Variants in NRK observed in about 807,000 individuals in gnomAD.
The protein encoded by NRK is nik-related protein kinase.
Under a neutral mutation model 125.2 loss-of-function variants are expected in NRK, and 67 were observed. The ratio of observed to expected loss-of-function variants is 0.54; its 90% CI spans 0.44 to 0.66. NRK has a LOEUF of 0.66. Ranked by LOEUF, NRK falls within the 30% of genes least tolerant of loss-of-function variation. NRK has a pLI of 0.00. For missense variants in NRK, 1,224 were observed against 1,192.9 expected, an observed-to-expected ratio of 1.03 and a Z score of -0.38; for synonymous variants, 458 against 429.0, an observed-to-expected ratio of 1.07 and a Z score of -0.84.
At chrX:105,918,502 A>G (rs1296336666) in intron 16 of NRK, among the ~76,000 whole-genome samples, 1 of 111,869 alleles carries the variant, frequency 8.9e-6, no homozygotes, top group Non-Finnish European at 1.9e-5. Flanking sequence ...AAAACACATT[A>G]TTCTTCTTAA....
chrX:105,953,011 A>AC, intron 27 of NRK, 23 bp from the exon 28 acceptor site: 1 of 1,082,984 alleles, frequency 9.2e-7, no homozygotes, highest in Non-Finnish European at 1.2e-6. Context: ...TGTTTTTCTG[A>AC]TTTTTTTTCA....
At chrX:105,912,860 C>T (rs2040320308) in intron 14 of NRK, 105 bp downstream of exon 14, 1 of 343,272 alleles carries the variant, frequency 2.9e-6, no homozygotes, top group Admixed American at 6.0e-5. Flanking sequence ...ACATTGAGGA[C>T]CTCAAAAAGC....
intron 26 of NRK, among the ~76,000 whole-genome samples, chrX:105,947,695 T>C (rs1467807935): frequency 9.0e-6 from 1 of 111,704 alleles, no homozygotes; most frequent in African/African-American, 3.2e-5. Flanking sequence ...AAATTCCCAA[T>C]TTTTAGACAA....
In NRK at chrX:105,866,028, AC is replaced by A. The variant is rs1193457238; in HGVS notation, c.124-14170del. Among the ~76,000 whole-genome samples the A allele has an allele frequency of 1.2e-4, 13 of 109,406 alleles. 1 individual carries two copies. The highest frequency in any genetic ancestry group is 7.9e-4 in the Admixed American group (8 of 10,114). On this transcript the variant is annotated intron_variant, in intron 2 of 28. Transcript: ENST00000243300. ...ACAAAACAAAGCAAAAAAAAAAAAA[AC>A]ATAAAAGTCAGTACACTTTTTTCAT...
Position 105,908,238 on chromosome X carries a change from A to G in NRK, c.1022-2A>G. On this transcript the variant is annotated splice_acceptor_variant, in intron 11 of 28. Coordinates refer to ENST00000243300, the MANE Select transcript of NRK (RefSeq NM_198465.4). LOFTEE classifies it high-confidence loss of function. ...TTATGTTTTTCTCTTTTGTAAAAAA[A>G]GGAATACCTTTGATCTTTGAAAGAG... The G allele has an allele frequency of 9.3e-7, 1 of 1,071,401 alleles. No individual in the cohort carries two copies. The allele number at this position is 1,071,401 out of a possible 1,213,427, so 88.3% of individuals were successfully genotyped here.
chrX:105,925,921 A>G (rs1189756499), intron 19 of NRK, among the ~76,000 whole-genome samples: 1 of 111,170 alleles, frequency 9.0e-6, no homozygotes, highest in Admixed American at 9.6e-5. Context: ...AGGTGCTGAT[A>G]GCTCTTTGAT....
chrX:105,896,579 C>T (rs1321332559), intron 7 of NRK, among the ~76,000 whole-genome samples: 1 of 111,539 alleles, frequency 9.0e-6, no homozygotes, highest in Non-Finnish European at 1.9e-5. Flanking sequence ...GTAGCTCATA[C>T]TTATAATCCC....
intron 4 of NRK, among the ~76,000 whole-genome samples, chrX:105,887,777 A>T (rs1033201649): frequency 7.1e-5 from 8 of 111,918 alleles, no homozygotes; most frequent in Admixed American, 9.5e-5. Context: ...TGGATTAGTG[A>T]TTGCTTAGAG....
intron 1 of NRK, among the ~76,000 whole-genome samples, chrX:105,825,875 A>C (rs1389363478): frequency 9.2e-6 from 1 of 108,967 alleles, no homozygotes; most frequent in East Asian, 2.8e-4. Context: ...AGGTGAAAAA[A>C]CAAAAAAGGA....
intron 2 of NRK, among the ~76,000 whole-genome samples, chrX:105,849,051 T>A (rs1051023980): frequency 9.0e-6 from 1 of 111,659 alleles, no homozygotes; most frequent in African/African-American, 3.3e-5. Context: ...TGCGGCCCTG[T>A]GTATTAGTCT....
chrX:105,942,680 G>T (rs531086666), intron 23 of NRK, among the ~76,000 whole-genome samples: 620 of 111,599 alleles, frequency 5.6e-3, no homozygotes, highest in Middle Eastern at 0.019. Context: ...GTGCAGTGGA[G>T]TGATCTCAGA....
At chrX:105,885,709 T>G (rs886919118) in intron 4 of NRK, among the ~76,000 whole-genome samples, 3 of 111,910 alleles carry the variant, frequency 2.7e-5, no homozygotes, top group Non-Finnish European at 5.6e-5. Flanking sequence ...ATGCTGGGAA[T>G]GAAGGAGGCT....
In NRK at chrX:105,924,724, A is replaced by C. The variant is rs1444695973; in HGVS notation, c.3005A>C (p.Lys1002Thr). ...RASYGRDGSC[K>T]QDGYDGSRGK... ...AGCTATGGCAGAGATGGAAGCTGCA[A>C]GCAAGATGGTTATGATGGAAGTCGT... Residue 1002 changes from lysine to threonine, a missense_variant, in exon 19 of 29, where the codon AAG (lysine) becomes ACG (threonine). Physicochemically the swap from Lys to Thr is moderately conservative, Grantham distance 78 (BLOSUM62 -1). Coordinates refer to ENST00000243300, the MANE Select transcript of NRK (RefSeq NM_198465.4). The C allele has an allele frequency of 8.3e-7, 1 of 1,200,706 alleles. No individual in the cohort carries two copies. The highest frequency in any genetic ancestry group is 2.3e-4 in the Middle Eastern group (1 of 4,327).
rs1309022417 is a variant in NRK, at chrX:105,955,497, T to G, written c.4654-8T>G. The G allele has an allele frequency of 1.8e-6, 2 of 1,134,884 alleles. No individual in the cohort carries two copies. The highest frequency in any genetic ancestry group is 2.4e-6 in the Non-Finnish European group (2 of 835,962). The allele number at this position is 1,134,884 out of a possible 1,213,427, so 93.5% of individuals were successfully genotyped here. On this transcript the variant is annotated splice_region_variant and splice_polypyrimidine_tract_variant and intron_variant, in intron 28 of 28. Transcript: ENST00000243300. ...ATCTGTTGACAGTGTATTTCTTTCT[T>G]TTTCAAGCTGTTCTTTACCTCTACC...
rs749944477 is a variant in NRK at position 105,937,450 on chromosome X, C to A, written c.3667C>A (p.Leu1223Met). Residue 1223 changes from leucine to methionine, a missense_variant, in exon 22 of 29, where the codon CTG becomes ATG. Leu to Met is a conservative substitution (Grantham distance 15). Transcript: ENST00000243300. ...TTATATATGAACAGGAGTCAATTTGCTGTTGGGAACCCGATCTAATCTATA... is the reference window on the plus strand; with the variant it reads ...TTATATATGAACAGGAGTCAATTTGATGTTGGGAACCCGATCTAATCTATA... ...CCGSLWGVNL[L>M]LGTRSNLYLM... The A allele has an allele frequency of 8.5e-7, 1 of 1,182,238 alleles. No individual in the cohort carries two copies. The highest frequency in any genetic ancestry group is 1.1e-6 in the Non-Finnish European group (1 of 875,755).
At chrX:105,940,923 T>C (rs1330093950) in intron 23 of NRK, among the ~76,000 whole-genome samples, 1 of 111,732 alleles carries the variant, frequency 8.9e-6, no homozygotes, top group Non-Finnish European at 1.9e-5. Context: ...TTTCTCAGGG[T>C]AGGTTTTTGT....
At chrX:105,937,416 T>C in intron 21 of NRK, 23 bp from the exon 22 acceptor site, 2 of 1,105,525 alleles carry the variant, frequency 1.8e-6, no homozygotes, top group East Asian at 3.1e-5. Flanking sequence ...TGAGCTAATA[T>C]AGCACTTTTT....
intron 2 of NRK, among the ~76,000 whole-genome samples, chrX:105,842,128 G>T (rs2039337888): frequency 9.0e-6 from 1 of 111,488 alleles, no homozygotes; most frequent in Non-Finnish European, 1.9e-5. Context: ...ATCTGCCCAA[G>T]TGCAAAAATT....
At chrX:105,950,525 G>A (rs1186299508) in intron 27 of NRK, among the ~76,000 whole-genome samples, 1 of 71,939 alleles carries the variant, frequency 1.4e-5, no homozygotes, top group African/African-American at 5.5e-5. Flanking sequence ...GAAAAAGGCA[G>A]CAGTGTGTGT....
Sources: allele counts gnomAD v4.1 joint callset (sites outside exome capture counted in the v4.1 genomes callset), GRCh38; gene constraint gnomAD v4.1.1; transcripts MANE v1.5; gene names NCBI Gene and HGNC (gene_info 2026-07-23, HGNC 2026-07-21).